ANKS1B: variants seen among roughly 807,000 people sequenced by gnomAD.
The protein encoded by ANKS1B is ankyrin repeat and sterile alpha motif domain containing 1B, also known as ankyrin repeat and sterile alpha motif domain-containing protein 1B.
In ANKS1B, 36 loss-of-function variants were observed where a neutral mutation model predicts 148.3. The ratio of observed to expected loss-of-function variants is 0.24; its 90% CI spans 0.19 to 0.32. ANKS1B has a LOEUF of 0.32. Ranked by LOEUF, ANKS1B falls within the 10% of genes least tolerant of loss-of-function variation. ANKS1B has a pLI of 1.00. For missense variants in ANKS1B, 1,157 were observed against 1,542.6 expected (o/e 0.75, Z 4.19); for synonymous variants, 542 against 560.8 (o/e 0.97, Z 0.47).
At chr12:99,829,447 G>A (rs939118605) in intron 1 of ANKS1B, among the ~76,000 whole-genome samples, 2 of 152,070 alleles carry the variant, frequency 1.3e-5, no homozygotes, top group African/African-American at 2.4e-5. Flanking sequence ...TCAGGAGATC[G>A]AGACCATCCT....
At chr12:98,765,022 C>T (rs1196436012) in intron 25 of ANKS1B, among the ~76,000 whole-genome samples, 5 of 152,178 alleles carry the variant, frequency 3.3e-5, no homozygotes, top group African/African-American at 9.7e-5. Context: ...TGTGGAAGCA[C>T]GCAGCAACAA....
intron 9 of ANKS1B, among the ~76,000 whole-genome samples, chr12:99,627,539 G>A (rs555336142): frequency 7.2e-5 from 11 of 152,148 alleles, no homozygotes; most frequent in Non-Finnish European, 1.3e-4. Context: ...TACCCAGACT[G>A]CCAAACAACT....
At chr12:99,755,594 C>CAAA (rs369571107) in intron 8 of ANKS1B, among the ~76,000 whole-genome samples, 1 of 123,256 alleles carries the variant, frequency 8.1e-6, no homozygotes, top group Non-Finnish European at 1.7e-5. Flanking sequence ...CAAAAATCCT[C>CAAA]AAAAAAAAAA....
chr12:99,632,032 G>A (rs193104389), intron 9 of ANKS1B, among the ~76,000 whole-genome samples: 117 of 152,242 alleles, frequency 7.7e-4, no homozygotes, highest in African/African-American at 2.7e-3. Context: ...CAGGCTCAAA[G>A]GCTGAGGAGA....
chr12:99,516,043 C>T (rs1046509970), intron 9 of ANKS1B, among the ~76,000 whole-genome samples: 6 of 152,020 alleles, frequency 3.9e-5, no homozygotes, highest in African/African-American at 1.4e-4. Context: ...GTTTGGACTG[C>T]TTTTATATTC....
intron 9 of ANKS1B, among the ~76,000 whole-genome samples, chr12:99,528,808 T>C (rs1044065377): frequency 1.3e-5 from 2 of 152,174 alleles, no homozygotes; most frequent in African/African-American, 2.4e-5. Context: ...TTCATATCTG[T>C]GTGAAAAAAG....
chr12:99,783,580 A>C (rs1182963106), intron 4 of ANKS1B, among the ~76,000 whole-genome samples: 1 of 152,230 alleles, frequency 6.6e-6, no homozygotes, highest in Admixed American at 6.5e-5. Context: ...CATTCACAGC[A>C]ACATGGATGA....
intron 9 of ANKS1B, among the ~76,000 whole-genome samples, chr12:99,557,689 C>A (rs2097291843): frequency 6.6e-6 from 1 of 152,202 alleles, no homozygotes; most frequent in East Asian, 1.9e-4. Flanking sequence ...GCCTGGTTAA[C>A]AACCATTGCT....
chr12:99,436,794 T>C (rs979766841), intron 11 of ANKS1B, among the ~76,000 whole-genome samples: 3 of 152,054 alleles, frequency 2.0e-5, no homozygotes, highest in Admixed American at 1.3e-4. Context: ...TGGTCCATTA[T>C]GAGTAGGTGT....
At chr12:98,962,156 AC>A (rs919393149) in intron 17 of ANKS1B, among the ~76,000 whole-genome samples, 24 of 151,532 alleles carry the variant, frequency 1.6e-4, no homozygotes, top group East Asian at 5.8e-4. Context: ...AAAAAAAAAA[AC>A]AAGATTCAAC....
intron 12 of ANKS1B, among the ~76,000 whole-genome samples, chr12:99,333,041 G>A (rs898744653): frequency 2.0e-5 from 3 of 152,046 alleles, no homozygotes; most frequent in Non-Finnish European, 2.9e-5. Context: ...ACAAGATCAC[G>A]TTTGTGTTTT....
chr12:98,984,214 C>G (rs1322207295), intron 17 of ANKS1B, among the ~76,000 whole-genome samples: 1 of 152,186 alleles, frequency 6.6e-6, no homozygotes, highest in Non-Finnish European at 1.5e-5. Context: ...CTGTGAGAAA[C>G]ACCCTTAATC....
intron 12 of ANKS1B, among the ~76,000 whole-genome samples, chr12:99,273,574 ATTT>A (rs1188069212): frequency 1.2e-4 from 12 of 97,046 alleles, no homozygotes; most frequent in Non-Finnish European, 2.2e-4. Context: ...TTTTTTTGCG[ATTT>A]TTTTTTTTTT....
intron 9 of ANKS1B, among the ~76,000 whole-genome samples, chr12:99,596,888 G>A (rs2097762447): frequency 6.6e-6 from 1 of 151,850 alleles, no homozygotes; most frequent in Non-Finnish European, 1.5e-5. Context: ...GCAGGACCGA[G>A]GAGACCAGGA....
intron 9 of ANKS1B, among the ~76,000 whole-genome samples, chr12:99,572,891 T>C (rs2097475478): frequency 6.6e-6 from 1 of 152,106 alleles, no homozygotes; most frequent in African/African-American, 2.4e-5. Context: ...ATAATATGTA[T>C]CGTGTTTACA....
chr12:99,796,899 T>C lies in ANKS1B; in HGVS notation c.669+9505A>G, dbSNP rs1371831421. Among the ~76,000 whole-genome samples, 4 of 151,956 alleles carry C rather than the reference T, an allele frequency of 2.6e-5. No homozygotes were observed. The South Asian group carries it at 8.3e-4, about 31-fold the overall frequency. Reference sequence around the variant, plus strand: ...CATACAATAAGAAGACACAGAATTCTTCAATAAAAACAGAAAAGGTTAGTA... The same window carrying C: ...CATACAATAAGAAGACACAGAATTCCTCAATAAAAACAGAAAAGGTTAGTA... On this transcript the variant is annotated intron_variant, in intron 4 of 26. Coordinates refer to ENST00000683438, the MANE Select transcript of ANKS1B (RefSeq NM_001352186.2).
chr12:99,716,433 C>T (rs78073535), intron 8 of ANKS1B, among the ~76,000 whole-genome samples: 1 of 151,994 alleles, frequency 6.6e-6, no homozygotes, highest in Non-Finnish European at 1.5e-5. Context: ...TCACTATGGG[C>T]AACCTTCCAC....
At chr12:98,892,538 A>C (rs1397765746) in intron 17 of ANKS1B, among the ~76,000 whole-genome samples, 1 of 152,252 alleles carries the variant, frequency 6.6e-6, no homozygotes, top group Admixed American at 6.5e-5. Flanking sequence ...AAAGGTAATC[A>C]TATGCAGTAA....
chr12:98,957,047 C>T (rs1282001096), intron 17 of ANKS1B, among the ~76,000 whole-genome samples: 2 of 152,148 alleles, frequency 1.3e-5, no homozygotes, highest in African/African-American at 4.8e-5. Context: ...CATTGAAAAA[C>T]TTAATAGCTC....
Sources: allele counts gnomAD v4.1 joint callset (sites outside exome capture counted in the v4.1 genomes callset), GRCh38; gene constraint gnomAD v4.1.1; transcripts MANE v1.5; gene names NCBI Gene and HGNC (gene_info 2026-07-23, HGNC 2026-07-21).